Variants in FERMT2 observed in about 807,000 individuals in gnomAD.
FERMT2 encodes the protein FERM domain containing kindlin 2, also known as fermitin family homolog 2.
In FERMT2, 15 loss-of-function variants were observed where a neutral mutation model predicts 82.7. The observed-to-expected ratio is 0.18, with a 90% CI of 0.12 to 0.28. The LOEUF is 0.28. FERMT2 is among the 10% of genes least tolerant of loss of function. FERMT2 has a pLI of 1.00. For synonymous variants in FERMT2, 274 were observed against 271.5 expected (o/e 1.01, Z -0.09); for missense variants, 645 against 809.4 (o/e 0.80, Z 2.46).
At position 52,875,105 on chromosome 14, in the gene FERMT2, C is replaced by G. The variant is rs180867056; in HGVS notation, c.1098+118G>C. 1.5e-3 allele frequency: 1,311 copies of G among 847,318 alleles called. 4 individuals are homozygous for G. The highest frequency in any genetic ancestry group is 3.7e-3 in the Admixed American group (134 of 35,926). The allele number at this position is 847,318 out of a possible 1,614,324, so 52.5% of individuals were successfully genotyped here. On this transcript the variant is annotated intron_variant, in intron 8 of 14. Transcript: ENST00000341590. ...CCTGAAAAATTAACATCTGATTTCTCTCTCTAAAGCATTAAATATTTCTCT... is the reference window on the plus strand; with the variant it reads ...CCTGAAAAATTAACATCTGATTTCTGTCTCTAAAGCATTAAATATTTCTCT...
At chr14:52,939,192 T>TTA (rs1462497124) in intron 2 of FERMT2, among the ~76,000 whole-genome samples, 2 of 86,048 alleles carry the variant, frequency 2.3e-5, no homozygotes, top group Non-Finnish European at 4.4e-5. Context: ...CCATCTCTAC[T>TTA]AAAAAAAAAA....
chr14:52,949,211 G>T (rs1241763839), intron 2 of FERMT2, among the ~76,000 whole-genome samples: 2 of 151,872 alleles, frequency 1.3e-5, no homozygotes, highest in Non-Finnish European at 2.9e-5. Flanking sequence ...CTTCCTGCAG[G>T]GGTACAAAGC....
At chr14:52,881,905 G>T (rs1221569310) in intron 4 of FERMT2, 2 of 562,180 alleles carry the variant, frequency 3.6e-6, no homozygotes, top group African/African-American at 4.0e-5. Flanking sequence ...AGAATGAAAA[G>T]AAAATGAGAA....
At chr14:52,917,238 T>C (rs1314195730) in intron 3 of FERMT2, among the ~76,000 whole-genome samples, 1 of 152,112 alleles carries the variant, frequency 6.6e-6, no homozygotes, top group Non-Finnish European at 1.5e-5. Flanking sequence ...GGCAATAACA[T>C]ATACAGTTTA....
At chr14:52,913,080 T>G (rs1319847678) in intron 3 of FERMT2, among the ~76,000 whole-genome samples, 1 of 152,178 alleles carries the variant, frequency 6.6e-6, no homozygotes, top group African/African-American at 2.4e-5. Context: ...ATTAAATTGT[T>G]AAAAACAGCA....
intron 2 of FERMT2, among the ~76,000 whole-genome samples, chr14:52,937,639 C>T (rs1262469641): frequency 6.6e-6 from 1 of 152,190 alleles, no homozygotes; most frequent in Non-Finnish European, 1.5e-5. Flanking sequence ...GACTATGCCT[C>T]ACCATATAAT....
At chr14:52,926,464 G>C (rs903377313) in intron 2 of FERMT2, among the ~76,000 whole-genome samples, 6 of 149,060 alleles carry the variant, frequency 4.0e-5, no homozygotes, top group Non-Finnish European at 8.9e-5. Flanking sequence ...ACTCAGCCTG[G>C]CACTTGGCCA....
At chr14:52,872,993 T>C in intron 9 of FERMT2, 70 bp from the exon 10 acceptor site, 1 of 1,448,112 alleles carries the variant, frequency 6.9e-7, no homozygotes. Context: ...TTAGCAAAGT[T>C]TCACAATATT....
At chr14:52,866,711 A>T (rs1001521441) in intron 10 of FERMT2, among the ~76,000 whole-genome samples, 1 of 152,176 alleles carries the variant, frequency 6.6e-6, no homozygotes, top group African/African-American at 2.4e-5. Context: ...CTTCTCAGAC[A>T]TCCTACAATG....
At chr14:52,949,631 T>C (rs907597694) in intron 2 of FERMT2, among the ~76,000 whole-genome samples, 1 of 152,232 alleles carries the variant, frequency 6.6e-6, no homozygotes, top group Non-Finnish European at 1.5e-5. Flanking sequence ...CAAAAATGTG[T>C]ACTGCACACT....
intron 4 of FERMT2, among the ~76,000 whole-genome samples, chr14:52,886,313 T>C (rs1351160091): frequency 6.6e-6 from 1 of 151,764 alleles, no homozygotes; most frequent in African/African-American, 2.4e-5. Flanking sequence ...GTGTGTGATA[T>C]AATGTATAGA....
rs79807465 is a variant in FERMT2 at position 52,892,115 on chromosome 14, T to C, written c.526+1178A>G. On this transcript the variant is annotated intron_variant, in intron 4 of 14. Coordinates refer to ENST00000341590, the MANE Select transcript of FERMT2 (RefSeq NM_006832.3). ...GAGCAAAACCTTTAAGGAAAAAAGG[T>C]AGGAAGGCCCGGAAACCAGAATATG... Among the ~76,000 whole-genome samples, 585 of 150,316 alleles carry C rather than the reference T, an allele frequency of 3.9e-3. 1 individual carries two copies. Among genetic ancestry groups the C allele is most frequent in the Non-Finnish European group, 6.1e-3 (412 of 67,760 alleles).
chr14:52,943,827 G>A (rs1465619218), intron 2 of FERMT2, among the ~76,000 whole-genome samples: 2 of 152,108 alleles, frequency 1.3e-5, no homozygotes, highest in East Asian at 3.8e-4. Flanking sequence ...TAAAAATTAA[G>A]AGCCAAAGAT....
intron 13 of FERMT2, chr14:52,859,994 T>C (rs756757505): frequency 7.6e-6 from 2 of 264,580 alleles, no homozygotes; most frequent in African/African-American, 2.2e-5. Context: ...ATTTTTTGTA[T>C]TTTTAGTAGA....
At chr14:52,925,023 AGCTCTT>A (rs1889173281) in intron 2 of FERMT2, among the ~76,000 whole-genome samples, 1 of 152,190 alleles carries the variant, frequency 6.6e-6, no homozygotes, top group African/African-American at 2.4e-5. Context: ...CCAGAAAATT[AGCTCTT>A]TCTTTGGTGC....
At chr14:52,907,562 A>C (rs1260623287) in intron 3 of FERMT2, among the ~76,000 whole-genome samples, 1 of 152,164 alleles carries the variant, frequency 6.6e-6, no homozygotes, top group Admixed American at 6.5e-5. Context: ...AGTAAAATAC[A>C]TGACACAAAA....
At chr14:52,862,454 G>A (rs1218067903) in intron 12 of FERMT2, 1 of 152,298 alleles carries the variant, frequency 6.6e-6, no homozygotes, top group Non-Finnish European at 1.5e-5. Flanking sequence ...GATCACTTGA[G>A]CTCAAGAGTT....
intron 2 of FERMT2, 140 bp downstream of exon 2, chr14:52,950,272 C>T (rs1890565508): frequency 2.5e-6 from 2 of 808,212 alleles, no homozygotes; most frequent in South Asian, 3.3e-5. Flanking sequence ...TGCTTAAATA[C>T]TGAAAGATTT....
At chr14:52,858,828 T>C (rs184193185) in intron 14 of FERMT2, 78 of 286,604 alleles carry the variant, frequency 2.7e-4, no homozygotes, top group Admixed American at 1.2e-3. Flanking sequence ...TCTCTGGTGA[T>C]TGATTCAATT....
Sources: allele counts gnomAD v4.1 joint callset (sites outside exome capture counted in the v4.1 genomes callset), GRCh38; gene constraint gnomAD v4.1.1; transcripts MANE v1.5; gene names NCBI Gene and HGNC (gene_info 2026-07-23, HGNC 2026-07-21).